GLIS3: variants seen among roughly 807,000 people sequenced by gnomAD.
GLIS3 encodes the protein GLIS family zinc finger 3.
Under a neutral mutation model 78.6 loss-of-function variants are expected in GLIS3, and 53 were observed. The ratio of observed to expected loss-of-function variants is 0.67; its 90% CI spans 0.54 to 0.85. The LOEUF is 0.85. GLIS3 is among the 40% of genes least tolerant of loss of function. The probability of loss-of-function intolerance (pLI) is 0.00; values close to 1 mark genes in which losing one functional copy is unlikely to be tolerated. For missense variants in GLIS3, 1,703 were observed against 1,231.1 expected, an observed-to-expected ratio of 1.38 and a Z score of -5.74; for synonymous variants, 684 against 509.9, an observed-to-expected ratio of 1.34 and a Z score of -4.60.
rs60374376 is a variant in GLIS3 at position 4,273,590 on chromosome 9, CATAAATAAATAAATAA to C, written c.388+12432_388+12447del. On this transcript the variant is annotated intron_variant, in intron 2 of 10. Transcript: ENST00000381971. ...CCTGGGTGACAGAGCAAGACCTTAT[CATAAATAAATAAATAA>C]ATAAATAAATAAATAAATAAATAAA... Among the ~76,000 whole-genome samples, 1,237 of 144,080 alleles carry C rather than the reference CATAAATAAATAAATAA, an allele frequency of 8.6e-3. 7 individuals are homozygous for C. Among genetic ancestry groups the C allele is most frequent in the Non-Finnish European group, 0.013 (862 of 66,254 alleles). 94.5% of individuals were successfully genotyped at this position (144,080 alleles called of 152,430 possible). A position where few individuals can be genotyped will look rare whatever the true frequency, so the allele number is the denominator to read the frequency against.
At chr9:3,882,086 A>G (rs1821767774) in intron 7 of GLIS3, among the ~76,000 whole-genome samples, 1 of 152,208 alleles carries the variant, frequency 6.6e-6, no homozygotes, top group Non-Finnish European at 1.5e-5. Context: ...TATTCCACAA[A>G]TATGTATAGG....
chr9:3,827,638 A>G lies in GLIS3; in HGVS notation c.*634T>C, dbSNP rs1817796728. 1 of 155,162 alleles carries G rather than the reference A, an allele frequency of 6.4e-6. No homozygotes were observed. The highest frequency in any genetic ancestry group is 2.4e-5 in the African/African-American group (1 of 41,432). 9.6% of individuals were successfully genotyped at this position (155,162 alleles called of 1,614,324 possible). A position where few individuals can be genotyped will look rare whatever the true frequency, so the allele number is the denominator to read the frequency against. On this transcript the variant is annotated 3_prime_UTR_variant, in exon 11 of 11. Coordinates refer to ENST00000381971, the MANE Select transcript of GLIS3 (RefSeq NM_001042413.2). Reference sequence around the variant, plus strand: ...TTTTCATTTTAAAATACGTATAAATAACTAAGTCTTTAAAATGCAAAAACA... The same window carrying G: ...TTTTCATTTTAAAATACGTATAAATGACTAAGTCTTTAAAATGCAAAAACA...
At chr9:4,154,718 G>C (rs1834925097) in intron 2 of GLIS3, among the ~76,000 whole-genome samples, 1 of 152,162 alleles carries the variant, frequency 6.6e-6, no homozygotes, top group Admixed American at 6.5e-5. Context: ...ATTGAGTTGA[G>C]AGTGTAATAT....
intron 2 of GLIS3, among the ~76,000 whole-genome samples, chr9:4,235,700 A>C (rs574605985): frequency 1.8e-4 from 27 of 151,656 alleles, no homozygotes; most frequent in Non-Finnish European, 3.7e-4. Context: ...GGGGCACTGA[A>C]GTATTCCCCA....
At chr9:4,350,128 C>T (rs1817948675), upstream of GLIS3, among the ~76,000 whole-genome samples, 2 of 152,204 alleles carry the variant, frequency 1.3e-5, no homozygotes, top group Admixed American at 6.5e-5. Flanking sequence ...CATAGGAGTT[C>T]CATCACCGCA....
At position 4,208,466 on chromosome 9, in the gene GLIS3, G is replaced by A. The variant is rs186690885; in HGVS notation, c.388+77572C>T. 3.3e-5 allele frequency among the ~76,000 whole-genome samples: 5 copies of A among 152,330 alleles called. No homozygotes were observed. The East Asian group carries it at 5.8e-4, about 18-fold the overall frequency. On this transcript the variant is annotated intron_variant, in intron 2 of 10. Coordinates refer to ENST00000381971, the MANE Select transcript of GLIS3 (RefSeq NM_001042413.2). ...AGTGGTCTTAAGAATATAAAGTCAT[G>A]CTAAGTTGCTCAACATGGTGTAACA...
At position 3,991,683 on chromosome 9, in the gene GLIS3, A is replaced by AATTTTTT. The variant is rs1265317427; in HGVS notation, c.1711-54495_1711-54494insAAAAAAT. ...GTTCAGAATTTCATTAAGTAGGCTG[A>AATTTTTT]TTTTTTTTTTTTTTTTTTTTTTTTT... is the stretch of plus-strand genomic sequence containing the variant. On this transcript the variant is annotated intron_variant, in intron 4 of 10. Coordinates refer to ENST00000381971, the MANE Select transcript of GLIS3 (RefSeq NM_001042413.2). Among the ~76,000 whole-genome samples, 74 of 87,904 alleles carry AATTTTTT rather than the reference A, an allele frequency of 8.4e-4. 4 individuals carry two copies. Among genetic ancestry groups the AATTTTTT allele is most frequent in the African/African-American group, 2.5e-3 (48 of 18,974 alleles). The allele number at this position is 87,904 out of a possible 152,430, so 57.7% of individuals were successfully genotyped here.
the GLIS3 span, among the ~76,000 whole-genome samples, chr9:4,438,276 G>C: frequency 1.3e-5 from 2 of 152,162 alleles, no homozygotes; most frequent in African/African-American, 4.8e-5. Context: ...GAATCTTAAT[G>C]TTTTGTGATA....
At chr9:4,298,070 C>CAACAA (rs1816734823) in intron 1 of GLIS3, among the ~76,000 whole-genome samples, 1 of 152,152 alleles carries the variant, frequency 6.6e-6, no homozygotes. Context: ...GAACGCAGCG[C>CAACAA]AACAAAACAA....
intron 4 of GLIS3, among the ~76,000 whole-genome samples, chr9:3,955,205 T>C (rs540932549): frequency 1.6e-4 from 25 of 152,268 alleles, no homozygotes; most frequent in Non-Finnish European, 3.7e-4. Context: ...ATGGCCCGCA[T>C]GAGTCAGGCC....
chr9:4,457,623 G>A, the GLIS3 span, among the ~76,000 whole-genome samples: 1 of 151,862 alleles, frequency 6.6e-6, no homozygotes, highest in Non-Finnish European at 1.5e-5. Flanking sequence ...TGAGGCGGGT[G>A]GATCATGAGG....
At chr9:4,344,292 A>G (rs1189788182) in intron 2 of GLIS3, among the ~76,000 whole-genome samples, 1 of 152,134 alleles carries the variant, frequency 6.6e-6, no homozygotes, top group East Asian at 1.9e-4. Context: ...CAAGGCCACT[A>G]ATGACCTCCG....
chr9:4,070,256 G>C (rs900327076), intron 4 of GLIS3, among the ~76,000 whole-genome samples: 1 of 152,088 alleles, frequency 6.6e-6, no homozygotes, highest in African/African-American at 2.4e-5. Flanking sequence ...ATTCTGAGCT[G>C]AATTCCCCTC....
At chr9:4,366,199 G>A in the GLIS3 span, among the ~76,000 whole-genome samples, 2 of 152,266 alleles carry the variant, frequency 1.3e-5, no homozygotes, top group Non-Finnish European at 2.9e-5. Context: ...CCTTATGGCT[G>A]TATTTAAACC....
the GLIS3 span, among the ~76,000 whole-genome samples, chr9:4,423,090 G>C: frequency 3.6e-3 from 552 of 152,012 alleles, 2 homozygotes; most frequent in South Asian, 6.0e-3. Context: ...TCCATAGGTG[G>C]GGTCCCCTGA....
chr9:3,928,093 C>A (rs1825372666), intron 6 of GLIS3, among the ~76,000 whole-genome samples: 1 of 152,154 alleles, frequency 6.6e-6, no homozygotes, highest in South Asian at 2.1e-4. Context: ...AAGTTTGTGA[C>A]TCGCTTTTAA....
the GLIS3 span, among the ~76,000 whole-genome samples, chr9:4,412,264 G>A: frequency 6.6e-6 from 1 of 152,174 alleles, no homozygotes; most frequent in Admixed American, 6.5e-5. Context: ...GGTGAACAAT[G>A]TGACTTTGTT....
At chr9:4,199,522 C>G (rs892072012) in intron 2 of GLIS3, among the ~76,000 whole-genome samples, 22 of 148,634 alleles carry the variant, frequency 1.5e-4, no homozygotes, top group African/African-American at 5.5e-4. Flanking sequence ...TCATATAAAA[C>G]AGACTTTTCC....
the GLIS3 span, among the ~76,000 whole-genome samples, chr9:4,357,988 T>C: frequency 6.6e-6 from 1 of 152,208 alleles, no homozygotes; most frequent in African/African-American, 2.4e-5. Flanking sequence ...ATTATGGATA[T>C]TATGCCTTTG....
Sources: gnomAD v4.1 joint callset for allele counts (sites outside exome capture counted in the v4.1 genomes callset) on GRCh38, gnomAD v4.1.1 for gene constraint, MANE v1.5 for transcripts, NCBI Gene and HGNC (gene_info 2026-07-23, HGNC 2026-07-21) for gene names.